The following PTPRD variants were observed in gnomAD, a reference collection of about 807,000 sequenced individuals.
The protein encoded by PTPRD is protein tyrosine phosphatase receptor type D, also known as receptor-type tyrosine-protein phosphatase delta.
PTPRD carries 34 observed loss-of-function variants against 214.5 expected under a neutral mutation model. The observed-to-expected ratio is 0.16, with a 90% CI of 0.12 to 0.21. The LOEUF (loss-of-function observed/expected upper bound fraction) is 0.21, where lower values mean the gene tolerates loss of function less well. PTPRD is among the 10% of genes least tolerant of loss of function. The pLI is 1.00. For synonymous variants in PTPRD, 1,128 were observed against 845.7 expected, an observed-to-expected ratio of 1.33 and a Z score of -5.79; for missense variants, 2,545 against 2,398.7, an observed-to-expected ratio of 1.06 and a Z score of -1.27.
At chr9:10,526,093 C>A (rs1458950756) in intron 2 of PTPRD, among the ~76,000 whole-genome samples, 3 of 152,058 alleles carry the variant, frequency 2.0e-5, no homozygotes, top group Non-Finnish European at 2.9e-5. Flanking sequence ...AACATTCCTG[C>A]TGTCATAGAA....
intron 6 of PTPRD, among the ~76,000 whole-genome samples, chr9:9,740,857 A>C (rs1360867809): frequency 6.6e-6 from 1 of 152,176 alleles, no homozygotes; most frequent in Non-Finnish European, 1.5e-5. Flanking sequence ...GAATGCTTTG[A>C]CTGGAGTGAA....
chr9:10,279,585 A>ATC, intron 3 of PTPRD, among the ~76,000 whole-genome samples: 4 of 152,098 alleles, frequency 2.6e-5, no homozygotes, highest in Admixed American at 2.6e-4. Flanking sequence ...GGTCATTTAT[A>ATC]TCTTACTCAA....
chr9:8,336,480 T>C (rs4008204), intron 43 of PTPRD, among the ~76,000 whole-genome samples: 98,480 of 139,870 alleles, frequency 0.7, 33,425 homozygotes, highest in East Asian at 0.88. Context: ...AGATGTAAAA[T>C]GATGAAAACC....
At chr9:10,264,753 A>G (rs1255096421) in intron 3 of PTPRD, among the ~76,000 whole-genome samples, 1 of 152,116 alleles carries the variant, frequency 6.6e-6, no homozygotes, top group Admixed American at 6.5e-5. Flanking sequence ...AGGACACGAG[A>G]TTTGGGAGGG....
At chr9:8,562,356 A>C (rs2086732728) in intron 14 of PTPRD, among the ~76,000 whole-genome samples, 1 of 152,132 alleles carries the variant, frequency 6.6e-6, no homozygotes, top group East Asian at 1.9e-4. Context: ...CTAAGATTAA[A>C]AAATTAAGTA....
chr9:9,515,015 T>C (rs1301538092), intron 8 of PTPRD, among the ~76,000 whole-genome samples: 1 of 152,132 alleles, frequency 6.6e-6, no homozygotes, highest in African/African-American at 2.4e-5. Flanking sequence ...TTTTATCATT[T>C]CTTGACTTCT....
intron 2 of PTPRD, among the ~76,000 whole-genome samples, chr9:10,572,526 G>C (rs1007529099): frequency 6.6e-6 from 1 of 152,166 alleles, no homozygotes; most frequent in Non-Finnish European, 1.5e-5. Flanking sequence ...ACCAAAAACA[G>C]TGATGAAGGA....
chr9:9,981,701 T>C (rs181241401), intron 4 of PTPRD, among the ~76,000 whole-genome samples: 20 of 152,188 alleles, frequency 1.3e-4, no homozygotes, highest in African/African-American at 4.6e-4. Context: ...CGCATTAAAT[T>C]GGGTTCCAAT....
rs373819862 is a variant in PTPRD at position 9,632,614 on chromosome 9, TAAA to T, written c.-286-57836_-286-57834del. 4.3e-3 allele frequency among the ~76,000 whole-genome samples: 630 copies of T among 146,714 alleles called. 7 individuals carry two copies. Among genetic ancestry groups the T allele is most frequent in the African/African-American group, 0.015 (605 of 40,470 alleles). ...TAAAGTAAAACAAAAGAGAGAAAGT[TAAA>T]AAAAAAAAGGAGAGATAGTTCAAAT... On this transcript the variant is annotated intron_variant, in intron 7 of 45. Coordinates refer to ENST00000381196, the MANE Select transcript of PTPRD (RefSeq NM_002839.4).
intron 3 of PTPRD, among the ~76,000 whole-genome samples, chr9:10,278,014 G>T (rs1027000451): frequency 6.6e-6 from 1 of 152,050 alleles, no homozygotes; most frequent in African/African-American, 2.4e-5. Flanking sequence ...CAAAAAATTG[G>T]CCGGGTGTGG....
chr9:10,169,331 G>A (rs970950539), intron 3 of PTPRD, among the ~76,000 whole-genome samples: 3 of 151,536 alleles, frequency 2.0e-5, no homozygotes, highest in South Asian at 2.1e-4. Context: ...AAAATTAGCC[G>A]GGCGTGGTGG....
At chr9:10,208,501 G>C (rs187359814) in intron 3 of PTPRD, among the ~76,000 whole-genome samples, 8 of 152,314 alleles carry the variant, frequency 5.3e-5, no homozygotes, top group Admixed American at 3.9e-4. Context: ...GCGACAGAGC[G>C]AGACTGCGTC....
At chr9:9,731,343 G>A (rs1462747496) in intron 7 of PTPRD, among the ~76,000 whole-genome samples, 1 of 152,074 alleles carries the variant, frequency 6.6e-6, no homozygotes, top group Non-Finnish European at 1.5e-5. Flanking sequence ...GTTTTGTAGA[G>A]TGTATCATGA....
At position 10,572,080 on chromosome 9, in the gene PTPRD, A is replaced by C. The variant is rs1373602592; in HGVS notation, c.-600+40318T>G. ...ATACAGACATAGAAACAGTGACAGG[A>C]AACATTGAACTCCATAAGGCCACGA... On this transcript the variant is annotated intron_variant, in intron 2 of 45. Coordinates refer to ENST00000381196, the MANE Select transcript of PTPRD (RefSeq NM_002839.4). Among the ~76,000 whole-genome samples, 15 of 152,320 alleles carry C rather than the reference A, an allele frequency of 9.8e-5. No homozygotes were observed. In the East Asian group the frequency reaches 2.7e-3, roughly 27 times the overall value.
At chr9:9,314,293 C>G (rs1380285433) in intron 9 of PTPRD, among the ~76,000 whole-genome samples, 1 of 152,082 alleles carries the variant, frequency 6.6e-6, no homozygotes, top group Non-Finnish European at 1.5e-5. Flanking sequence ...AATTTGTATT[C>G]TGAGTTCATT....
chr9:8,574,670 G>T (rs983766720), intron 14 of PTPRD, among the ~76,000 whole-genome samples: 7 of 151,994 alleles, frequency 4.6e-5, no homozygotes, highest in African/African-American at 1.7e-4. Context: ...TCAAGGCATA[G>T]TTTCCTGTGG....
At chr9:9,223,738 T>G (rs1420859977) in intron 9 of PTPRD, among the ~76,000 whole-genome samples, 1 of 151,932 alleles carries the variant, frequency 6.6e-6, no homozygotes, top group Non-Finnish European at 1.5e-5. Context: ...GCATTGACAA[T>G]GCAAATCAAA....
chr9:9,208,019 G>GGTTTTTTTTTTTTTTTTTTTTT (rs1569562243), intron 9 of PTPRD, among the ~76,000 whole-genome samples: 1 of 26,040 alleles, frequency 3.8e-5, no homozygotes, highest in Non-Finnish European at 8.9e-5. Context: ...ATATATATCT[G>GGTTTTTTTTTTTTTTTTTTTTT]CTTTTTTTTT....
intron 5 of PTPRD, among the ~76,000 whole-genome samples, chr9:9,793,515 C>T (rs145336704): frequency 1.9e-4 from 29 of 152,078 alleles, no homozygotes; most frequent in African/African-American, 4.6e-4. Flanking sequence ...TAGATATGTA[C>T]GTCTGTCAAC....
Sources: gnomAD v4.1 joint callset for allele counts (sites outside exome capture counted in the v4.1 genomes callset) on GRCh38, gnomAD v4.1.1 for gene constraint, MANE v1.5 for transcripts, NCBI Gene and HGNC (gene_info 2026-07-23, HGNC 2026-07-21) for gene names.